TRIM3: variants seen among roughly 807,000 people sequenced by gnomAD.
TRIM3 encodes the protein tripartite motif-containing protein 3.
Under a neutral mutation model 66.6 loss-of-function variants are expected in TRIM3, and 13 were observed. That is an observed-to-expected ratio of 0.20 (90% CI 0.13 to 0.31). The LOEUF is 0.31. TRIM3 is among the 10% of genes least tolerant of loss of function. The pLI is 1.00. For missense variants in TRIM3, 711 were observed against 1,020.4 expected (o/e 0.70, Z 4.13); for synonymous variants, 406 against 411.7 (o/e 0.99, Z 0.17).
chr11:6,450,355 A>G lies in TRIM3; in HGVS notation c.1941+196T>C. ...CTATAATCAAGAAGACACAGAATAC[A>G]TTTGCTTTGTGCATCACTGTATCTC... On this transcript the variant is annotated intron_variant, in intron 10 of 11. Transcript: ENST00000345851. This position sits in a 1 kb window ranked among gnomAD's most constrained non-coding sequence, Gnocchi z 4.8. The G allele has an allele frequency of 1.7e-6, 1 of 596,080 alleles. No homozygotes were observed. Among genetic ancestry groups the G allele is most frequent in the East Asian group, 2.8e-5 (1 of 36,100 alleles). The allele number at this position is 596,080 out of a possible 1,614,324, so 36.9% of individuals were successfully genotyped here. A position where few individuals can be genotyped will look rare whatever the true frequency, so the allele number is the denominator to read the frequency against.
chr11:6,471,662 C>T (rs1354106209), intron 1 of TRIM3, among the ~76,000 whole-genome samples: 3 of 152,164 alleles, frequency 2.0e-5, no homozygotes, highest in South Asian at 2.1e-4. Flanking sequence ...AATGGAAACA[C>T]GTAACTACAA....
chr11:6,472,569 C>T (rs1035285583), intron 1 of TRIM3, among the ~76,000 whole-genome samples: 1 of 152,202 alleles, frequency 6.6e-6, no homozygotes, highest in Non-Finnish European at 1.5e-5. Context: ...GGACTCTTTG[C>T]TCAAGTTCTC....
At position 6,456,158 on chromosome 11, in the gene TRIM3, T is replaced by C. The variant is rs1849957256; in HGVS notation, c.1447A>G (p.Lys483Glu). 6.2e-7 allele frequency: 1 copy of C among 1,614,046 alleles called. No homozygotes were observed. Among genetic ancestry groups the C allele is most frequent in the Non-Finnish European group, 8.5e-7 (1 of 1,180,042 alleles). ...VFRVGSRGRE[K>E]GEFTNLQGVS... ...CCTTGTAAATTGGTGAATTCACCTT[T>C]CTCCCTTCCACGACTGCCTGTGGGA... Residue 483 changes from lysine (K) to glutamate (E), a missense_variant, in exon 7 of 12, where the codon AAA (lysine) becomes GAA (glutamate). Lys to Glu is a moderately conservative substitution (Grantham distance 56, BLOSUM62 1). Transcript: ENST00000345851. This position sits in a 1 kb window ranked among gnomAD's most constrained non-coding sequence, Gnocchi z 6.4.
In TRIM3 at chr11:6,450,825, T is replaced by G. The variant is rs1479975234; in HGVS notation, c.1870+67A>C. ...TATAGGAGGAGAGGGCCTTTACAGC[T>G]GGGGTATCTAGGGGAGTTCTCTGGA... On this transcript the variant is annotated intron_variant, in intron 9 of 11. Transcript: ENST00000345851. The surrounding 1 kb of genome is among the most constrained non-coding windows in gnomAD (Gnocchi z 4.8). 3 of 1,589,562 alleles carry G rather than the reference T, an allele frequency of 1.9e-6. No individual in the cohort carries two copies. The East Asian group carries it at 6.7e-5, about 36-fold the overall frequency.
chr11:6,451,148 G>A (rs766731764), intron 8 of TRIM3, 88 bp from the exon 9 acceptor site: 1 of 1,591,878 alleles, frequency 6.3e-7, no homozygotes, highest in East Asian at 2.2e-5. Flanking sequence ...TCTTGGGCTG[G>A]GGAAAGAACA....
At chr11:6,463,674 G>T (rs1371684344) in intron 2 of TRIM3, among the ~76,000 whole-genome samples, 1 of 152,240 alleles carries the variant, frequency 6.6e-6, no homozygotes, top group Non-Finnish European at 1.5e-5. Flanking sequence ...CGAAAGTGGT[G>T]TAATGGGAGT....
Position 6,449,675 on chromosome 11 carries a change from C to G in TRIM3, c.1942-229G>C. The G allele has an allele frequency of 2.1e-6, 1 of 470,946 alleles. No homozygotes were observed. The highest frequency in any genetic ancestry group is 3.7e-5 in the Admixed American group (1 of 26,808). 29.2% of individuals were successfully genotyped at this position (470,946 alleles called of 1,614,324 possible). A position where few individuals can be genotyped will look rare whatever the true frequency, so the allele number is the denominator to read the frequency against. ...TAACAGCTCATTTTCTTTGGGAAAT[C>G]AGTTCTCTTAGTTCTCTATCTCAAT... On this transcript the variant is annotated intron_variant, in intron 10 of 11. Coordinates refer to ENST00000345851, the MANE Select transcript of TRIM3 (RefSeq NM_033278.4). The surrounding 1 kb of genome is among the most constrained non-coding windows in gnomAD (Gnocchi z 5.3).
At chr11:6,463,012 C>T (rs900752194) in intron 2 of TRIM3, among the ~76,000 whole-genome samples, 1 of 152,118 alleles carries the variant, frequency 6.6e-6, no homozygotes, top group Non-Finnish European at 1.5e-5. Context: ...CGAGACCAGC[C>T]TGGCCAACAT....
intron 8 of TRIM3, 67 bp from the exon 9 acceptor site, chr11:6,451,127 C>T: frequency 6.2e-7 from 1 of 1,600,990 alleles, no homozygotes; most frequent in South Asian, 1.1e-5. Context: ...TAACCCAGTA[C>T]CAAAGCAGAA....
Position 6,449,730 on chromosome 11 carries a change from A to C in TRIM3, c.1942-284T>G. 2.8e-6 allele frequency: 1 copy of C among 361,880 alleles called. No individual in the cohort carries two copies. Among genetic ancestry groups the C allele is most frequent in the East Asian group, 4.7e-5 (1 of 21,330 alleles). 22.4% of individuals were successfully genotyped at this position (361,880 alleles called of 1,614,324 possible). On this transcript the variant is annotated intron_variant, in intron 10 of 11. Transcript: ENST00000345851. The surrounding 1 kb of genome is among the most constrained non-coding windows in gnomAD (Gnocchi z 5.3). The stretch of plus-strand genomic sequence containing the variant: ...GGTGCCACCCAGCTGGCCATGAGTC[A>C]CTCTTGACTCCAATTTCTTCTCTGT...
Position 6,456,670 on chromosome 11 carries a change from C to T in TRIM3, c.1056G>A (p.Gly352=). The T allele has an allele frequency of 6.2e-7, 1 of 1,606,702 alleles. No homozygotes were observed. The highest frequency in any genetic ancestry group is 8.5e-7 in the Non-Finnish European group (1 of 1,176,042). ...CAGCGCTGCCTGTGCGCACCAACCG[C>T]CCGTCCTTGTCTTTGGTAGTGACAG... ...SLTVTTKDKD[G]RLVRTGSAEL... is the part of the protein sequence containing the mutation. The change falls in exon 6 of 12, where the codon GGG becomes GGA. Residue 352 remains glycine, a synonymous_variant. Transcript: ENST00000345851. The surrounding 1 kb of genome is among the most constrained non-coding windows in gnomAD (Gnocchi z 6.4).
chr11:6,473,364 G>A (rs1850778080), intron 1 of TRIM3: 2 of 141,618 alleles, frequency 1.4e-5, no homozygotes, highest in Admixed American at 1.4e-4. Flanking sequence ...TGGAAGGGGC[G>A]GGGGGTGGGG....
chr11:6,450,969 C>T lies in TRIM3; in HGVS notation c.1793G>A (p.Cys598Tyr). 1 of 1,614,222 alleles carries T rather than the reference C, an allele frequency of 6.2e-7. No individual in the cohort carries two copies. Among genetic ancestry groups the T allele is most frequent in the Non-Finnish European group, 8.5e-7 (1 of 1,180,038 alleles). Residue 598 changes from cysteine (C) to tyrosine (Y), a missense_variant, in exon 9 of 12, where the codon TGC (cysteine) becomes TAC (tyrosine). By Grantham distance (194) the Cys-to-Tyr change is radical. Around this residue, in one of 3 missense-constraint regions of TRIM3, gnomAD observed 163 missense variants for 321.9 expected, o/e 0.51. Coordinates refer to ENST00000345851, the MANE Select transcript of TRIM3 (RefSeq NM_033278.4). The surrounding 1 kb of genome is among the most constrained non-coding windows in gnomAD (Gnocchi z 4.8). ...GCCATTGGGCTGGAAGGTAAAGACG[C>T]AGCAAGACTTGTTGTCGACCACAAT... ...HIIVVDNKSC[C>Y]VFTFQPNGKL...
intron 2 of TRIM3, among the ~76,000 whole-genome samples, chr11:6,459,180 G>A (rs1850117735): frequency 6.6e-6 from 1 of 152,110 alleles, no homozygotes; most frequent in Admixed American, 6.5e-5. Context: ...GAGGGGGAAG[G>A]GTAGTCCAGA....
At chr11:6,466,991 T>C (rs1314565752) in intron 1 of TRIM3, among the ~76,000 whole-genome samples, 1 of 152,208 alleles carries the variant, frequency 6.6e-6, no homozygotes, top group Non-Finnish European at 1.5e-5. Flanking sequence ...GACATAAAGA[T>C]TGATCTATAT....
intron 2 of TRIM3, among the ~76,000 whole-genome samples, chr11:6,465,126 T>C (rs1044603956): frequency 1.3e-5 from 2 of 151,890 alleles, no homozygotes; most frequent in African/African-American, 4.8e-5. Context: ...AAGTGATCCA[T>C]AGAAGCCTAG....
chr11:6,466,857 G>A (rs1454829241), intron 1 of TRIM3, among the ~76,000 whole-genome samples: 1 of 152,160 alleles, frequency 6.6e-6, no homozygotes, highest in East Asian at 1.9e-4. Flanking sequence ...TATAAGCTAT[G>A]CTGTAATGTT....
intron 1 of TRIM3, chr11:6,473,161 T>C (rs1349719561): frequency 1.3e-5 from 2 of 152,320 alleles, no homozygotes; most frequent in African/African-American, 2.4e-5. Context: ...CTGAAGCCAA[T>C]TGCAGAAGGG....
chr11:6,470,683 G>A (rs1254969652), intron 1 of TRIM3, among the ~76,000 whole-genome samples: 1 of 152,240 alleles, frequency 6.6e-6, no homozygotes, highest in Non-Finnish European at 1.5e-5. Context: ...GGTCTGGCCT[G>A]GAGACATGAA....
Sources: gnomAD v4.1 joint callset for allele counts (sites outside exome capture counted in the v4.1 genomes callset) on GRCh38, gnomAD v4.1.1 for gene constraint, gnomAD v4.1.1 regional missense constraint, Gnocchi (gnomAD v3.1) non-coding constraint, MANE v1.5 for transcripts, NCBI Gene and HGNC (gene_info 2026-07-23, HGNC 2026-07-21) for gene names.